Variants in OGT observed in about 807,000 individuals in gnomAD.
OGT encodes O-linked N-acetylglucosamine (GlcNAc) transferase, also known as UDP-N-acetylglucosamine--peptide N-acetylglucosaminyltransferase 110 kDa subunit.
Under a neutral mutation model 75.8 loss-of-function variants are expected in OGT, and 3 were observed. That is an observed-to-expected ratio of 0.04 (90% CI 0.02 to 0.10). The LOEUF (loss-of-function observed/expected upper bound fraction) is 0.10. Among genes scored for constraint, OGT ranks in the 10% least tolerant of loss-of-function variants. The pLI is 1.00. For synonymous variants in OGT, 257 were observed against 289.7 expected, an observed-to-expected ratio of 0.89 and a Z score of 1.15; for missense variants, 260 against 824.4, an observed-to-expected ratio of 0.32 and a Z score of 8.38.
intron 3 of OGT, among the ~76,000 whole-genome samples, chrX:71,542,556 T>C (rs1175456637): frequency 8.9e-6 from 1 of 112,178 alleles, no homozygotes; most frequent in Non-Finnish European, 1.9e-5. Flanking sequence ...CAAGAGTTCA[T>C]AGAAACTAGA....
chrX:71,559,653 C>G lies in OGT; in HGVS notation c.1827C>G (p.Ala609=). ...TNFRVKVMAE[A]NHFIDLSQIP... Reference sequence around the variant, plus strand: ...TCCGAGTGAAGGTGATGGCAGAAGCCAATCATTTCATTGATCTTTCTCAGG... The same window carrying G: ...TCCGAGTGAAGGTGATGGCAGAAGCGAATCATTTCATTGATCTTTCTCAGG... The change falls in exon 14 of 22, where the codon GCC becomes GCG. Residue 609 remains alanine (A), a synonymous_variant. Coordinates refer to ENST00000373719, the MANE Select transcript of OGT (RefSeq NM_181672.3). 2 of 1,208,263 alleles carry G rather than the reference C, an allele frequency of 1.7e-6. No individual in the cohort carries two copies. The highest frequency in any genetic ancestry group is 3.5e-5 in the South Asian group (2 of 56,701).
In OGT at chrX:71,573,803, T is replaced by C. The variant is rs1256490514; in HGVS notation, c.*9T>C. On this transcript the variant is annotated 3_prime_UTR_variant, in exon 22 of 22. Coordinates refer to ENST00000373719, the MANE Select transcript of OGT (RefSeq NM_181672.3). ...TCACTGAGTCAGCATAAATAAAGAC[T>C]GCACAGGAGAATTACCCCTATACCT... 8.5e-7 allele frequency: 1 copy of C among 1,176,096 alleles called. No homozygotes were observed.
chrX:71,550,160 A>T (rs1467762619), intron 5 of OGT, among the ~76,000 whole-genome samples: 1 of 112,005 alleles, frequency 8.9e-6, no homozygotes, highest in African/African-American at 3.2e-5. Context: ...GAACCTCTAT[A>T]CTAGTTCCCA....
chrX:71,549,348 A>G (rs1271287436), intron 5 of OGT, among the ~76,000 whole-genome samples: 1 of 107,551 alleles, frequency 9.3e-6, no homozygotes, highest in Non-Finnish European at 1.9e-5. Context: ...GATGTTCACT[A>G]AGTGTTACAG....
chrX:71,567,889 C>T (rs1364449100), intron 20 of OGT, 104 bp from the exon 21 acceptor site: 1 of 1,070,219 alleles, frequency 9.3e-7, no homozygotes, highest in East Asian at 3.0e-5. Flanking sequence ...CTTGTTCTCA[C>T]TTCATTCTCT....
intron 19 of OGT, among the ~76,000 whole-genome samples, chrX:71,567,178 G>A (rs2040422250): frequency 8.9e-6 from 1 of 112,444 alleles, no homozygotes; most frequent in Admixed American, 9.5e-5. Flanking sequence ...AACTTTCTTG[G>A]TTGTATCATA....
intron 4 of OGT, chrX:71,546,762 T>C: frequency 1.3e-6 from 1 of 755,060 alleles, no homozygotes; most frequent in Non-Finnish European, 1.6e-6. Context: ...AGCATTCTGC[T>C]CTTCTGATGA....
chrX:71,556,309 G>A, intron 8 of OGT: 1 of 407,560 alleles, frequency 2.5e-6, no homozygotes, highest in Non-Finnish European at 4.1e-6. Context: ...CTGTGGATAA[G>A]ATCTGTACAA....
intron 1 of OGT, 123 bp downstream of exon 1, chrX:71,533,459 G>C: frequency 1.6e-6 from 1 of 643,178 alleles, no homozygotes; most frequent in Non-Finnish European, 2.5e-6. Context: ...ACATTGCTAA[G>C]CTTTTCGTGG....
At chrX:71,543,733 G>GGTGTGTGTGTGT (rs1211703806) in intron 3 of OGT, among the ~76,000 whole-genome samples, 1 of 87,911 alleles carries the variant, frequency 1.1e-5, no homozygotes, top group Non-Finnish European at 2.1e-5. Flanking sequence ...AAATATTTGA[G>GGTGTGTGTGTGT]ATGTGTGTGT....
intron 3 of OGT, among the ~76,000 whole-genome samples, chrX:71,543,472 C>T (rs956987194): frequency 4.5e-5 from 5 of 110,656 alleles, no homozygotes; most frequent in African/African-American, 1.3e-4. Context: ...TTTCATTATT[C>T]ACCCACTCAA....
At chrX:71,567,777 A>T in intron 20 of OGT, 25 bp downstream of exon 20, 1 of 1,176,148 alleles carries the variant, frequency 8.5e-7, no homozygotes, top group East Asian at 3.0e-5. Flanking sequence ...AATCACTGGA[A>T]TCTTCCTTGT....
intron 3 of OGT, among the ~76,000 whole-genome samples, chrX:71,542,583 C>G (rs938102521): frequency 9.0e-6 from 1 of 111,697 alleles, no homozygotes; most frequent in Non-Finnish European, 1.9e-5. Flanking sequence ...TAAAATTACG[C>G]AACAGCTGGC....
intron 4 of OGT, chrX:71,547,080 C>T: frequency 1.3e-6 from 1 of 754,584 alleles, no homozygotes; most frequent in Non-Finnish European, 1.6e-6. Flanking sequence ...TGTTAGGTTG[C>T]GCAAGCGATG....
intron 21 of OGT, among the ~76,000 whole-genome samples, chrX:71,572,927 A>G (rs1227016762): frequency 1.8e-5 from 2 of 112,095 alleles, no homozygotes; most frequent in Non-Finnish European, 3.8e-5. Flanking sequence ...TTCCTGAAGA[A>G]TCAATTACTT....
At position 71,540,734 on chromosome X, in the gene OGT, G is replaced by A. The variant is rs187740223; in HGVS notation, c.462+2662G>A. Among the ~76,000 whole-genome samples the A allele has an allele frequency of 3.9e-3, 413 of 106,434 alleles. 2 individuals are homozygous for A. Among genetic ancestry groups the A allele is most frequent in the African/African-American group, 0.013 (376 of 28,994 alleles). The allele number at this position is 106,434 out of a possible 115,157, so 92.4% of individuals were successfully genotyped here. ...GTCACCCAGGCTGGAGTGCAGTGGC[G>A]CGATCTCGGCTCACTGCAACCTCTG... On this transcript the variant is annotated intron_variant, in intron 3 of 21. Coordinates refer to ENST00000373719, the MANE Select transcript of OGT (RefSeq NM_181672.3).
At chrX:71,556,816 T>G (rs977479043) in intron 9 of OGT, 36 bp downstream of exon 9, 1 of 1,043,659 alleles carries the variant, frequency 9.6e-7, no homozygotes, top group Non-Finnish European at 1.3e-6. Flanking sequence ...TTAAAATTAT[T>G]TTTAATTTTA....
At chrX:71,568,890 AAAAAAAG>A (rs1236213197) in intron 21 of OGT, among the ~76,000 whole-genome samples, 218 of 111,420 alleles carry the variant, frequency 2.0e-3, no homozygotes, top group Non-Finnish European at 3.6e-3. Flanking sequence ...AAAAAAAACC[AAAAAAAG>A]AACCTGAGGT....
At chrX:71,547,813 C>A (rs1368535078) in intron 4 of OGT, 94 bp from the exon 5 acceptor site, 1 of 1,090,942 alleles carries the variant, frequency 9.2e-7, no homozygotes, top group Admixed American at 2.9e-5. Context: ...CTTCTTCCCC[C>A]CCTCCCCCCA....
Sources: allele counts gnomAD v4.1 joint callset (sites outside exome capture counted in the v4.1 genomes callset), GRCh38; gene constraint gnomAD v4.1.1; transcripts MANE v1.5; gene names NCBI Gene and HGNC (gene_info 2026-07-23, HGNC 2026-07-21).